Variants in GALNT13 observed in about 807,000 individuals in gnomAD.
GALNT13 encodes the protein UDP-GalNAc:polypeptide N-acetylgalactosaminyltransferase 13.
GALNT13 carries 28 observed loss-of-function variants against 64.2 expected under a neutral mutation model. The ratio of observed to expected loss-of-function variants is 0.44; its 90% CI spans 0.32 to 0.60. The LOEUF is 0.60. Ranked by LOEUF, GALNT13 falls within the 20% of genes least tolerant of loss-of-function variation. The pLI is 0.05. For missense variants in GALNT13, 577 were observed against 669.8 expected, an observed-to-expected ratio of 0.86 and a Z score of 1.53; for synonymous variants, 214 against 224.6, an observed-to-expected ratio of 0.95 and a Z score of 0.42.
intron 3 of GALNT13, among the ~76,000 whole-genome samples, chr2:154,080,850 G>A (rs1359739330): frequency 1.3e-5 from 2 of 151,570 alleles, no homozygotes; most frequent in Non-Finnish European, 3.0e-5. Context: ...GGTTCCTTGG[G>A]TGAAACTCAA....
chr2:153,381,861 G>GTCA, the GALNT13 span, among the ~76,000 whole-genome samples: 4 of 152,104 alleles, frequency 2.6e-5, no homozygotes, highest in Non-Finnish European at 5.9e-5. Context: ...CATTCATATA[G>GTCA]TCATCAGTGA....
At chr2:154,313,423 T>G (rs868319590) in intron 9 of GALNT13, among the ~76,000 whole-genome samples, 49 of 57,008 alleles carry the variant, frequency 8.6e-4, no homozygotes, top group East Asian at 2.1e-3. Flanking sequence ...TAGAGATATA[T>G]ATATATATAT....
chr2:154,336,397 C>T (rs188844131), intron 9 of GALNT13, among the ~76,000 whole-genome samples: 9 of 152,130 alleles, frequency 5.9e-5, no homozygotes, highest in East Asian at 1.9e-4. Context: ...ACTGCATTCA[C>T]GTCAGAGATA....
chr2:153,771,192 A>G, the GALNT13 span, among the ~76,000 whole-genome samples: 54,921 of 152,016 alleles, frequency 0.36, 10,498 homozygotes, highest in African/African-American at 0.44. Flanking sequence ...ATGGGAGAAA[A>G]TACTTAAGTT....
At chr2:154,259,265 C>A (rs1690559589) in intron 8 of GALNT13, 127 bp downstream of exon 8, 1 of 656,126 alleles carries the variant, frequency 1.5e-6, no homozygotes, top group South Asian at 1.8e-5. Context: ...AATTGGTTAT[C>A]TTAATTCACA....
At chr2:153,146,328 A>T in the GALNT13 span, among the ~76,000 whole-genome samples, 2 of 151,816 alleles carry the variant, frequency 1.3e-5, no homozygotes, top group Non-Finnish European at 2.9e-5. Context: ...ATTCCTATTC[A>T]GTTTATTTGC....
the GALNT13 span, among the ~76,000 whole-genome samples, chr2:153,622,866 T>C: frequency 3.3e-5 from 5 of 152,112 alleles, no homozygotes; most frequent in South Asian, 1.0e-3. Context: ...ATATGGATTA[T>C]TAACCCTATA....
the GALNT13 span, among the ~76,000 whole-genome samples, chr2:153,733,243 A>C: frequency 6.6e-6 from 1 of 152,186 alleles, no homozygotes; most frequent in Non-Finnish European, 1.5e-5. Flanking sequence ...ACATTAGCAC[A>C]GTTGGGCTAT....
At chr2:154,121,111 G>T (rs554559499) in intron 3 of GALNT13, among the ~76,000 whole-genome samples, 2 of 152,186 alleles carry the variant, frequency 1.3e-5, no homozygotes, top group Non-Finnish European at 2.9e-5. Flanking sequence ...AGGGAATAAA[G>T]TGGTTTAGTT....
At chr2:153,926,340 G>T (rs1162051696) in intron 2 of GALNT13, 1 of 152,026 alleles carries the variant, frequency 6.6e-6, no homozygotes, top group Non-Finnish European at 1.5e-5. Flanking sequence ...ATAGTTAAAA[G>T]TGAGTAGTCT....
intron 3 of GALNT13, among the ~76,000 whole-genome samples, chr2:153,993,100 A>AT (rs1212277163): frequency 2.6e-5 from 4 of 152,122 alleles, no homozygotes; most frequent in African/African-American, 9.7e-5. Flanking sequence ...AAGATGATAT[A>AT]TTTACGACTA....
At chr2:153,277,927 C>CTT in the GALNT13 span, among the ~76,000 whole-genome samples, 33 of 80,098 alleles carry the variant, frequency 4.1e-4, no homozygotes, top group African/African-American at 1.3e-3. Flanking sequence ...TCTTTTCTTT[C>CTT]TTTTTTTTTT....
chr2:154,107,915 T>G (rs1702711210), intron 3 of GALNT13, among the ~76,000 whole-genome samples: 1 of 152,188 alleles, frequency 6.6e-6, no homozygotes, highest in Non-Finnish European at 1.5e-5. Flanking sequence ...CAATTTCATG[T>G]AGTCAAAAAT....
chr2:154,252,724 A>AAG (rs1369926009), intron 7 of GALNT13, among the ~76,000 whole-genome samples: 3 of 146,850 alleles, frequency 2.0e-5, no homozygotes, highest in South Asian at 2.2e-4. Flanking sequence ...CGAATGGAAA[A>AAG]AGATAGATAG....
the GALNT13 span, among the ~76,000 whole-genome samples, chr2:153,106,956 C>T: frequency 6.6e-6 from 1 of 152,172 alleles, no homozygotes; most frequent in East Asian, 1.9e-4. Context: ...ATTGCCTGAG[C>T]TGCATTTTGT....
At chr2:153,807,522 A>T in the GALNT13 span, among the ~76,000 whole-genome samples, 1 of 151,964 alleles carries the variant, frequency 6.6e-6, no homozygotes, top group Admixed American at 6.6e-5. Context: ...TATGAAAAAT[A>T]TAAAGACCAG....
chr2:153,991,307 T>C (rs986496370), intron 3 of GALNT13, among the ~76,000 whole-genome samples: 1 of 152,034 alleles, frequency 6.6e-6, no homozygotes, highest in African/African-American at 2.4e-5. Flanking sequence ...AATCGAAGGA[T>C]TGAGGATTCA....
rs1203382523 is a variant in GALNT13 at position 154,090,613 on chromosome 2, AG to A, written c.143-49722del. 2.0e-5 allele frequency among the ~76,000 whole-genome samples: 3 copies of A among 152,150 alleles called. No individual in the cohort carries two copies. The East Asian group carries it at 5.8e-4, about 29-fold the overall frequency. ...GTGACTGAGCTTCTACCACAGTCTC[AG>A]GAACCTGTTCCATAATTCATTTATT... On this transcript the variant is annotated intron_variant, in intron 3 of 12. Transcript: ENST00000392825.
intron 9 of GALNT13, among the ~76,000 whole-genome samples, chr2:154,369,300 A>G (rs1221593295): frequency 2.0e-5 from 3 of 152,128 alleles, no homozygotes; most frequent in African/African-American, 4.8e-5. Flanking sequence ...GCTCACTTAC[A>G]TGTAACCTGG....
Sources: gnomAD v4.1 joint callset for allele counts (sites outside exome capture counted in the v4.1 genomes callset) on GRCh38, gnomAD v4.1.1 for gene constraint, MANE v1.5 for transcripts, NCBI Gene and HGNC (gene_info 2026-07-23, HGNC 2026-07-21) for gene names.